XYLB: variants seen among roughly 807,000 people sequenced by gnomAD.
The protein encoded by XYLB is xylulokinase.
Under a neutral mutation model 78.7 loss-of-function variants are expected in XYLB, and 62 were observed. The observed-to-expected ratio is 0.79, with a 90% CI of 0.64 to 0.97. The LOEUF (loss-of-function observed/expected upper bound fraction) is 0.97. Among genes scored for constraint, XYLB ranks in the 50% least tolerant of loss-of-function variants. XYLB has a pLI of 0.00. For synonymous variants in XYLB, 245 were observed against 247.4 expected (o/e 0.99, Z 0.09); for missense variants, 687 against 676.8 (o/e 1.02, Z -0.17).
chr3:38,366,044 T>A (rs182452507), intron 6 of XYLB, among the ~76,000 whole-genome samples: 1 of 151,830 alleles, frequency 6.6e-6, no homozygotes, highest in East Asian at 1.9e-4. Context: ...GACTTACGTT[T>A]TGGGTAGGTT....
At chr3:38,349,690 G>A (rs1444612715) in intron 2 of XYLB, among the ~76,000 whole-genome samples, 1 of 152,156 alleles carries the variant, frequency 6.6e-6, no homozygotes, top group Non-Finnish European at 1.5e-5. Flanking sequence ...ACCATAGACT[G>A]GGTGGGTTAA....
the XYLB span, chr3:38,452,145 C>G: frequency 2.0e-5 from 3 of 152,232 alleles, no homozygotes; most frequent in African/African-American, 7.2e-5. Flanking sequence ...ACCTTATACA[C>G]AGCTAGGGTG....
At chr3:38,407,980 C>G (rs930538484) in intron 18 of XYLB, among the ~76,000 whole-genome samples, 2 of 152,160 alleles carry the variant, frequency 1.3e-5, no homozygotes, top group African/African-American at 4.8e-5. Flanking sequence ...AACAACGAGA[C>G]AGAAAGTTAA....
chr3:38,405,091 T>C (rs1329847826), intron 18 of XYLB, among the ~76,000 whole-genome samples: 2 of 152,146 alleles, frequency 1.3e-5, no homozygotes, highest in Admixed American at 1.3e-4. Context: ...TGGTCTTTTT[T>C]CTCTGTTGGG....
Position 38,377,006 on chromosome 3 carries a change from G to C in XYLB, c.1194+15G>C. On this transcript the variant is annotated intron_variant, in intron 14 of 18. Coordinates refer to ENST00000207870, the MANE Select transcript of XYLB (RefSeq NM_005108.4). The stretch of plus-strand genomic sequence containing the variant: ...AAAACCACAAGGTACATGTGCTGTT[G>C]GTGTTGGAGTTACATTGGCTCCATT... The C allele has an allele frequency of 1.2e-6, 2 of 1,609,774 alleles. No homozygotes were observed. Among genetic ancestry groups the C allele is most frequent in the Non-Finnish European group, 1.7e-6 (2 of 1,177,202 alleles).
At chr3:38,396,956 G>A in intron 16 of XYLB, 116 bp from the exon 17 acceptor site, 1 of 1,006,612 alleles carries the variant, frequency 9.9e-7, no homozygotes, top group African/African-American at 1.6e-5. Context: ...CAGTCGAGGT[G>A]GAATGGAAGG....
intron 15 of XYLB, among the ~76,000 whole-genome samples, chr3:38,381,951 C>T (rs1297228061): frequency 2.0e-5 from 3 of 152,366 alleles, no homozygotes; most frequent in South Asian, 4.1e-4. Flanking sequence ...TATTCGCACA[C>T]TCCCTCCCCT....
downstream of XYLB, among the ~76,000 whole-genome samples, chr3:38,425,366 T>C (rs977595410): frequency 6.6e-6 from 1 of 152,240 alleles, no homozygotes; most frequent in Non-Finnish European, 1.5e-5. Context: ...GCATCCCATA[T>C]AATTCACAAG....
downstream of XYLB, among the ~76,000 whole-genome samples, chr3:38,418,047 T>A (rs1014642416): frequency 2.0e-5 from 3 of 150,880 alleles, no homozygotes; most frequent in Non-Finnish European, 4.4e-5. Context: ...CAAAAAAAAT[T>A]AGGCAGGCGT....
At chr3:38,410,187 T>C (rs1708513400) in intron 18 of XYLB, among the ~76,000 whole-genome samples, 1 of 152,152 alleles carries the variant, frequency 6.6e-6, no homozygotes, top group African/African-American at 2.4e-5. Flanking sequence ...AAAACAGAGA[T>C]ATAGATCAAT....
chr3:38,424,400 A>T (rs1311178054), downstream of XYLB, among the ~76,000 whole-genome samples: 1 of 152,274 alleles, frequency 6.6e-6, no homozygotes, highest in Non-Finnish European at 1.5e-5. Context: ...AAAAGCCTTT[A>T]TAAATAGTCT....
At chr3:38,359,834 T>C (rs543003741) in intron 2 of XYLB, among the ~76,000 whole-genome samples, 1 of 152,310 alleles carries the variant, frequency 6.6e-6, no homozygotes, top group African/African-American at 2.4e-5. Flanking sequence ...TAACACATAG[T>C]TAAAAGGGTT....
chr3:38,361,238 CCA>C (rs780913543), intron 3 of XYLB, among the ~76,000 whole-genome samples: 41 of 151,988 alleles, frequency 2.7e-4, no homozygotes, highest in Non-Finnish European at 4.9e-4. Context: ...ACCTAGGGGG[CCA>C]CAGGAGCAGG....
downstream of XYLB, chr3:38,421,269 CG>C: frequency 6.6e-6 from 1 of 152,584 alleles, no homozygotes; most frequent in Non-Finnish European, 1.5e-5. Flanking sequence ...GTGCCCAACA[CG>C]GGGGCTCGAA....
rs148753421 is a variant in XYLB, at chr3:38,374,857, T to C, written c.889-287T>C. Among the ~76,000 whole-genome samples, 51 of 152,252 alleles carry C rather than the reference T, an allele frequency of 3.3e-4. No individual in the cohort carries two copies. The East Asian group carries it at 8.6e-3, about 26-fold the overall frequency. On this transcript the variant is annotated intron_variant, in intron 11 of 18. Coordinates refer to ENST00000207870, the MANE Select transcript of XYLB (RefSeq NM_005108.4). ...GACATAACCCAGACATTCCTACTTC[T>C]AGTGGGAAAGTCATATGGGGAACCA...
chr3:38,393,111 C>T (rs1296707957), intron 15 of XYLB, among the ~76,000 whole-genome samples: 3 of 151,930 alleles, frequency 2.0e-5, no homozygotes, highest in Non-Finnish European at 4.4e-5. Context: ...TTATCCAGTC[C>T]CTATATATAC....
At chr3:38,362,135 C>G (rs1375833269) in intron 3 of XYLB, among the ~76,000 whole-genome samples, 1 of 152,212 alleles carries the variant, frequency 6.6e-6, no homozygotes, top group Non-Finnish European at 1.5e-5. Context: ...GCTTTGCTCT[C>G]ACGGGAGCTC....
At chr3:38,447,312 T>A in the XYLB span, among the ~76,000 whole-genome samples, 4 of 152,040 alleles carry the variant, frequency 2.6e-5, no homozygotes, top group African/African-American at 9.7e-5. Flanking sequence ...TCTTTTTTAT[T>A]TTATTTTTGG....
downstream of XYLB, among the ~76,000 whole-genome samples, chr3:38,423,937 T>A (rs1024429851): frequency 6.6e-6 from 1 of 152,182 alleles, no homozygotes; most frequent in Non-Finnish European, 1.5e-5. Context: ...TACATAGGGA[T>A]CAATTGAAAA....
Sources: allele counts gnomAD v4.1 joint callset (sites outside exome capture counted in the v4.1 genomes callset), GRCh38; gene constraint gnomAD v4.1.1; transcripts MANE v1.5; gene names NCBI Gene and HGNC (gene_info 2026-07-23, HGNC 2026-07-21).